The following CCSER1 variants were observed in gnomAD, a reference collection of about 807,000 sequenced individuals.
CCSER1 encodes serine-rich coiled-coil domain-containing protein 1.
CCSER1 carries 41 observed loss-of-function variants against 82.0 expected under a neutral mutation model. That is an observed-to-expected ratio of 0.50 (90% CI 0.39 to 0.65). The LOEUF is 0.65. CCSER1 is among the 30% of genes least tolerant of loss of function. The pLI is 0.00. For missense variants in CCSER1, 1,119 were observed against 1,064.2 expected (o/e 1.05, Z -0.72); for synonymous variants, 414 against 383.9 (o/e 1.08, Z -0.92).
intron 1 of CCSER1, among the ~76,000 whole-genome samples, chr4:90,234,737 C>A (rs1056757245): frequency 1.3e-5 from 2 of 152,068 alleles, no homozygotes; most frequent in African/African-American, 4.8e-5. Context: ...TAGATGGGGA[C>A]TGTTATTATT....
In CCSER1 at chr4:91,157,417, C is replaced by G. The variant is rs571725610; in HGVS notation, c.2217+71423C>G. On this transcript the variant is annotated intron_variant, in intron 10 of 10. Coordinates refer to ENST00000509176, the MANE Select transcript of CCSER1 (RefSeq NM_001145065.2). Reference sequence around the variant, plus strand: ...AGCCTTATAAGGCATTTCTCTTTATCTAATTATTTTGTTATTAGAGTCACA... The same window carrying G: ...AGCCTTATAAGGCATTTCTCTTTATGTAATTATTTTGTTATTAGAGTCACA... Among the ~76,000 whole-genome samples the G allele has an allele frequency of 4.2e-4, 64 of 151,972 alleles. 2 individuals are homozygous for G. In the South Asian group the frequency reaches 0.013, roughly 31 times the overall value.
intron 10 of CCSER1, among the ~76,000 whole-genome samples, chr4:91,385,218 A>T (rs888649153): frequency 2.0e-5 from 3 of 152,036 alleles, no homozygotes; most frequent in Admixed American, 2.0e-4. Flanking sequence ...AAAACATACA[A>T]TGGAGTATTA....
intron 1 of CCSER1, among the ~76,000 whole-genome samples, chr4:90,184,770 G>A (rs1156805148): frequency 2.0e-5 from 3 of 152,000 alleles, no homozygotes; most frequent in African/African-American, 2.4e-5. Flanking sequence ...GAATGGCAAT[G>A]TGGTGATGAT....
At chr4:90,825,174 T>A (rs138506077) in intron 8 of CCSER1, among the ~76,000 whole-genome samples, 1 of 152,336 alleles carries the variant, frequency 6.6e-6, no homozygotes, top group African/African-American at 2.4e-5. Context: ...AAGAAAATAA[T>A]TGCTCTATGA....
chr4:90,563,989 GA>G (rs1467783740), intron 5 of CCSER1, among the ~76,000 whole-genome samples: 1 of 152,166 alleles, frequency 6.6e-6, no homozygotes, highest in South Asian at 2.1e-4. Flanking sequence ...TGACAAGAGT[GA>G]GGGATATCTC....
At chr4:91,212,301 C>A (rs1328505151) in intron 10 of CCSER1, among the ~76,000 whole-genome samples, 2 of 151,950 alleles carry the variant, frequency 1.3e-5, no homozygotes, top group Non-Finnish European at 2.9e-5. Flanking sequence ...GAGCTGTGCT[C>A]CATTAAGCTC....
At chr4:90,130,161 C>A (rs1722566516) in intron 1 of CCSER1, among the ~76,000 whole-genome samples, 1 of 152,124 alleles carries the variant, frequency 6.6e-6, no homozygotes, top group African/African-American at 2.4e-5. Flanking sequence ...TCATAATGCT[C>A]ATAATAAAGG....
chr4:90,467,325 G>A (rs1763770363), intron 4 of CCSER1, among the ~76,000 whole-genome samples: 1 of 151,642 alleles, frequency 6.6e-6, no homozygotes, highest in Non-Finnish European at 1.5e-5. Context: ...CAGAGGTTGT[G>A]TTGAGCTGAG....
At chr4:90,780,041 A>G (rs1361886045) in intron 7 of CCSER1, among the ~76,000 whole-genome samples, 3 of 152,234 alleles carry the variant, frequency 2.0e-5, no homozygotes, top group Non-Finnish European at 4.4e-5. Context: ...ACCTTGTTAT[A>G]TAAGATAATA....
chr4:90,966,992 T>A (rs1418153179), intron 9 of CCSER1, among the ~76,000 whole-genome samples: 1 of 152,072 alleles, frequency 6.6e-6, no homozygotes, highest in Non-Finnish European at 1.5e-5. Context: ...CTTTTCAATT[T>A]CAAAATTTAT....
chr4:91,257,137 G>A (rs1370084943), intron 10 of CCSER1, among the ~76,000 whole-genome samples: 1 of 152,098 alleles, frequency 6.6e-6, no homozygotes, highest in African/African-American at 2.4e-5. Context: ...TAGATGAAAT[G>A]AGGAGTGGCA....
At chr4:91,494,990 A>G (rs1034115366) in intron 10 of CCSER1, among the ~76,000 whole-genome samples, 1 of 151,660 alleles carries the variant, frequency 6.6e-6, no homozygotes, top group Non-Finnish European at 1.5e-5. Flanking sequence ...CCACATTGCT[A>G]CGTGGTGTTT....
chr4:91,387,004 C>T (rs1326906056), intron 10 of CCSER1, among the ~76,000 whole-genome samples: 1 of 151,786 alleles, frequency 6.6e-6, no homozygotes, highest in Non-Finnish European at 1.5e-5. Flanking sequence ...CGACAGGATC[C>T]TGTATAGGAG....
intron 5 of CCSER1, among the ~76,000 whole-genome samples, chr4:90,564,618 T>A (rs931073507): frequency 1.3e-5 from 2 of 151,928 alleles, no homozygotes; most frequent in South Asian, 4.1e-4. Context: ...GTCTTGGAGC[T>A]TTCCCTCTAT....
intron 7 of CCSER1, among the ~76,000 whole-genome samples, chr4:90,776,184 A>G (rs1752869263): frequency 6.6e-6 from 1 of 152,144 alleles, no homozygotes; most frequent in Non-Finnish European, 1.5e-5. Context: ...TTAAATTCCA[A>G]TTCAATTCTC....
intron 7 of CCSER1, among the ~76,000 whole-genome samples, chr4:90,773,318 T>A (rs1752478378): frequency 6.6e-6 from 1 of 152,218 alleles, no homozygotes; most frequent in Admixed American, 6.5e-5. Flanking sequence ...CTCTATTGTT[T>A]GACTTTATAA....
intron 8 of CCSER1, among the ~76,000 whole-genome samples, chr4:90,891,067 T>C (rs1203350825): frequency 2.0e-5 from 3 of 152,030 alleles, no homozygotes; most frequent in Non-Finnish European, 2.9e-5. Context: ...CATAGATTCA[T>C]GTAAATTAGA....
intron 1 of CCSER1, among the ~76,000 whole-genome samples, chr4:90,212,400 C>T (rs2153415230): frequency 6.6e-6 from 1 of 152,066 alleles, no homozygotes; most frequent in South Asian, 2.1e-4. Context: ...TTGAAAATTC[C>T]ATCTTAAGGG....
chr4:90,570,545 G>A (rs1457838934), intron 5 of CCSER1, among the ~76,000 whole-genome samples: 1 of 152,072 alleles, frequency 6.6e-6, no homozygotes, highest in Non-Finnish European at 1.5e-5. Context: ...TGGTCCCCTG[G>A]GAGTTGCATG....
Sources: allele counts gnomAD v4.1 joint callset (sites outside exome capture counted in the v4.1 genomes callset), GRCh38; gene constraint gnomAD v4.1.1; transcripts MANE v1.5; gene names NCBI Gene and HGNC (gene_info 2026-07-23, HGNC 2026-07-21).